TMEM117: variants seen among roughly 807,000 people sequenced by gnomAD.
The protein encoded by TMEM117 is transmembrane protein 117.
TMEM117 carries 27 observed loss-of-function variants against 52.4 expected under a neutral mutation model. The ratio of observed to expected loss-of-function variants is 0.51; its 90% CI spans 0.38 to 0.71. The LOEUF (loss-of-function observed/expected upper bound fraction) is 0.71. TMEM117 is among the 30% of genes least tolerant of loss of function. The pLI is 0.00. For synonymous variants in TMEM117, 215 were observed against 206.3 expected (o/e 1.04, Z -0.36); for missense variants, 556 against 630.5 (o/e 0.88, Z 1.26).
intron 5 of TMEM117, among the ~76,000 whole-genome samples, chr12:44,294,370 T>A (rs1208577314): frequency 6.6e-6 from 1 of 152,214 alleles, no homozygotes; most frequent in African/African-American, 2.4e-5. Flanking sequence ...GGAACCTGTT[T>A]CTGTTCATGT....
At chr12:44,026,789 G>A (rs1946540487) in intron 3 of TMEM117, among the ~76,000 whole-genome samples, 1 of 151,936 alleles carries the variant, frequency 6.6e-6, no homozygotes, top group Admixed American at 6.6e-5. Flanking sequence ...TTATCACCAT[G>A]TTTTAAAATC....
chr12:44,119,902 A>T (rs55982364), intron 3 of TMEM117, among the ~76,000 whole-genome samples: 1 of 152,300 alleles, frequency 6.6e-6, no homozygotes, highest in Non-Finnish European at 1.5e-5. Context: ...GGTCTGTGGG[A>T]CATGCTCACC....
At chr12:44,344,149 G>A (rs963788679) in intron 6 of TMEM117, among the ~76,000 whole-genome samples, 1 of 152,076 alleles carries the variant, frequency 6.6e-6, no homozygotes, top group Non-Finnish European at 1.5e-5. Context: ...GGGAAATATA[G>A]GTAACCTATT....
At chr12:44,246,462 T>C (rs1290205256) in intron 5 of TMEM117, among the ~76,000 whole-genome samples, 1 of 152,200 alleles carries the variant, frequency 6.6e-6, no homozygotes, top group African/African-American at 2.4e-5. Context: ...GCTGCTTTTT[T>C]CCAGCATTGT....
intron 6 of TMEM117, among the ~76,000 whole-genome samples, chr12:44,369,349 T>C: frequency 6.6e-6 from 1 of 152,196 alleles, no homozygotes; most frequent in East Asian, 1.9e-4. Context: ...AACCCGCTGC[T>C]ATCTTGCCAA....
intron 3 of TMEM117, among the ~76,000 whole-genome samples, chr12:44,096,842 A>G (rs1395866073): frequency 2.0e-5 from 3 of 151,906 alleles, no homozygotes; most frequent in African/African-American, 7.3e-5. Context: ...AGCAATGGCA[A>G]CAAAAGACAA....
the TMEM117 span, among the ~76,000 whole-genome samples, chr12:43,815,348 G>A: frequency 2.2e-4 from 33 of 152,272 alleles, no homozygotes; most frequent in East Asian, 9.6e-4. Context: ...GCCTTGTGAC[G>A]AGTTGGCAAG....
chr12:44,355,537 A>C (rs887795357), intron 6 of TMEM117, among the ~76,000 whole-genome samples: 6 of 152,060 alleles, frequency 3.9e-5, no homozygotes, highest in Non-Finnish European at 5.9e-5. Context: ...TCTTTTAGGA[A>C]GTAGTCCATC....
intron 3 of TMEM117, among the ~76,000 whole-genome samples, chr12:44,107,738 A>G (rs1271816353): frequency 6.6e-6 from 1 of 152,180 alleles, no homozygotes; most frequent in Non-Finnish European, 1.5e-5. Context: ...TACTTCTTTC[A>G]TGATCATTTT....
At chr12:44,191,364 T>C (rs1391338790) in intron 4 of TMEM117, among the ~76,000 whole-genome samples, 1 of 151,518 alleles carries the variant, frequency 6.6e-6, no homozygotes, top group Non-Finnish European at 1.5e-5. Flanking sequence ...TCTATCTGTC[T>C]GTCTGTCTGT....
chr12:44,164,024 G>A (rs567664520), intron 4 of TMEM117, among the ~76,000 whole-genome samples: 1 of 152,174 alleles, frequency 6.6e-6, no homozygotes, highest in Non-Finnish European at 1.5e-5. Flanking sequence ...GGATCCTGGG[G>A]GCCTGGTGCA....
chr12:43,900,165 A>G (rs188370513), intron 2 of TMEM117, among the ~76,000 whole-genome samples: 23 of 152,320 alleles, frequency 1.5e-4, no homozygotes, highest in Admixed American at 9.8e-4. Context: ...TTGCTGCAGC[A>G]TATTGTATTT....
At chr12:44,319,758 A>G (rs1052724164) in intron 6 of TMEM117, among the ~76,000 whole-genome samples, 1 of 152,226 alleles carries the variant, frequency 6.6e-6, no homozygotes, top group African/African-American at 2.4e-5. Context: ...TCTTCTGACT[A>G]CCAGTTAATT....
At chr12:44,390,067 A>T (rs1001958889), downstream of TMEM117, among the ~76,000 whole-genome samples, 4 of 152,134 alleles carry the variant, frequency 2.6e-5, no homozygotes, top group African/African-American at 9.7e-5. Context: ...GCATAATAGA[A>T]CTATGCATTT....
the TMEM117 span, among the ~76,000 whole-genome samples, chr12:44,398,891 T>G: frequency 6.6e-6 from 1 of 152,336 alleles, no homozygotes; most frequent in East Asian, 1.9e-4. Context: ...CATTATGAGT[T>G]TTAAGTGTAT....
chr12:43,997,962 T>G (rs75890365), intron 3 of TMEM117, among the ~76,000 whole-genome samples: 2,443 of 152,286 alleles, frequency 0.016, 48 homozygotes, highest in African/African-American at 0.055. Flanking sequence ...TATTACCACT[T>G]ATGCCAGATT....
intron 5 of TMEM117, chr12:44,263,809 AC>A (rs1355227951): frequency 6.6e-6 from 1 of 152,212 alleles, no homozygotes; most frequent in Non-Finnish European, 1.5e-5. Context: ...GGAAGAACAG[AC>A]CACTGTGCAT....
intron 2 of TMEM117, among the ~76,000 whole-genome samples, chr12:43,865,396 CA>C (rs1204104983): frequency 6.6e-6 from 1 of 152,036 alleles, no homozygotes; most frequent in Non-Finnish European, 1.5e-5. Flanking sequence ...GGATTGTGGG[CA>C]AAAACTAATG....
chr12:44,006,168 G>C (rs1946192079), intron 3 of TMEM117, among the ~76,000 whole-genome samples: 1 of 152,122 alleles, frequency 6.6e-6, no homozygotes, highest in South Asian at 2.1e-4. Flanking sequence ...ATCAGAAAAA[G>C]AACATTCACC....
Sources: gnomAD v4.1 joint callset for allele counts (sites outside exome capture counted in the v4.1 genomes callset) on GRCh38, gnomAD v4.1.1 for gene constraint, MANE v1.5 for transcripts, NCBI Gene and HGNC (gene_info 2026-07-23, HGNC 2026-07-21) for gene names.